Variants in DOCK6 observed in about 807,000 individuals in gnomAD.
DOCK6 encodes the protein dedicator of cytokinesis protein 6.
In DOCK6, 167 loss-of-function variants were observed where a neutral mutation model predicts 230.3. The ratio of observed to expected loss-of-function variants is 0.73; its 90% CI spans 0.64 to 0.82. DOCK6 has a LOEUF of 0.82. Ranked by LOEUF, DOCK6 falls within the 40% of genes least tolerant of loss-of-function variation. The pLI is 0.00. For missense variants in DOCK6, 2,598 were observed against 2,825.8 expected (o/e 0.92, Z 1.83); for synonymous variants, 1,148 against 1,185.0 (o/e 0.97, Z 0.64).
In DOCK6 at chr19:11,212,125, G is replaced by A. The variant is rs375036412; in HGVS notation, c.4518C>T (p.Val1506=). ...CCACCAGGGACGAGAGAGACATGGT[G>A]ACCTGCATCTTCACACGGGCAAAGT... ...GHNFARVKMQ[V]TMSLSSLVGT... Residue 1506 remains valine (V), a synonymous_variant, in exon 36 of 48, where the codon GTC becomes GTT. Transcript: ENST00000294618. The A allele has an allele frequency of 1.2e-5, 19 of 1,611,162 alleles. No homozygotes were observed. The African/African-American group carries it at 2.5e-4, about 21-fold the overall frequency.
chr19:11,212,238 C>G, intron 35 of DOCK6, 87 bp from the exon 36 acceptor site: 1 of 1,449,526 alleles, frequency 6.9e-7, no homozygotes, highest in Non-Finnish European at 9.2e-7. Flanking sequence ...CGACATGGCC[C>G]TTGCGTTCTT....
rs767778142 is a variant in DOCK6, at chr19:11,202,067, C to T, written c.5510G>A (p.Arg1837Gln). ...PYFDTYELKD[R>Q]VTYFDRNYGL... ...ATAGTTGCGGTCAAAGTAGGTCACC[C>T]GGTCCTTGAGCTCGTAGGTATCAAA... Residue 1837 changes from arginine (R) to glutamine (Q), a missense_variant, in exon 44 of 48, where the codon CGG becomes CAG. Transcript: ENST00000294618. The surrounding 1 kb of genome is among the most constrained non-coding windows in gnomAD (Gnocchi z 5.3). 1.5e-5 allele frequency: 24 copies of T among 1,613,910 alleles called. No homozygotes were observed. The highest frequency in any genetic ancestry group is 6.7e-5 in the Admixed American group (4 of 60,010).
At position 11,200,610 on chromosome 19, in the gene DOCK6, T is replaced by C. The variant is rs2079152997; in HGVS notation, c.5939+106A>G. 6.7e-7 allele frequency: 1 copy of C among 1,496,278 alleles called. No individual in the cohort carries two copies. 92.7% of individuals were successfully genotyped at this position (1,496,278 alleles called of 1,614,324 possible). A position where few individuals can be genotyped will look rare whatever the true frequency, so the allele number is the denominator to read the frequency against. On this transcript the variant is annotated intron_variant, in intron 46 of 47. Coordinates refer to ENST00000294618, the MANE Select transcript of DOCK6 (RefSeq NM_020812.4). The surrounding 1 kb of genome is among the most constrained non-coding windows in gnomAD (Gnocchi z 4.3). ...GGTCAGGTTGGGAGAGTGGACTTAA[T>C]GGGAATCGGGCAGATGGGGGAGCCA...
chr19:11,211,447 G>C (rs576987515), intron 37 of DOCK6, among the ~76,000 whole-genome samples: 11 of 147,700 alleles, frequency 7.4e-5, no homozygotes, highest in African/African-American at 2.5e-4. Flanking sequence ...ACATTCTCCT[G>C]GCATCCTCTT....
intron 22 of DOCK6, 148 bp from the exon 23 acceptor site, chr19:11,229,183 G>A: frequency 8.2e-7 from 1 of 1,220,500 alleles, no homozygotes; most frequent in Non-Finnish European, 1.1e-6. Flanking sequence ...AGGAGTGGAA[G>A]TGCCCTTTCC....
chr19:11,237,158 G>A (rs2079861714), intron 18 of DOCK6: 1 of 590,888 alleles, frequency 1.7e-6, no homozygotes, highest in African/African-American at 1.9e-5. Flanking sequence ...GAGGCCTAGG[G>A]TCATTAACAA....
intron 14 of DOCK6, chr19:11,239,728 C>G (rs1057171644): frequency 5.0e-6 from 8 of 1,613,406 alleles, no homozygotes; most frequent in Non-Finnish European, 6.8e-6. Flanking sequence ...AGAACTGGCA[C>G]AGCATGAGGA....
At chr19:11,240,261 C>T in intron 14 of DOCK6, 6 of 1,584,894 alleles carry the variant, frequency 3.8e-6, no homozygotes, top group Non-Finnish European at 5.1e-6. Flanking sequence ...GAGCGCCTGG[C>T]TGGGCCCTGC....
chr19:11,214,556 CACG>C lies in DOCK6; in HGVS notation c.4197_4199del (p.Ile1399_Val1400delinsMet), dbSNP rs2079447998. On this transcript the variant is annotated inframe_deletion, in exon 33 of 48. Transcript: ENST00000294618. ...CAGATGCTGGATCAAGCCCTACCTG[CACG>C]ATGATCTCCAGTGTGTCCAGAACCA... 1 of 1,613,816 alleles carries C rather than the reference CACG, an allele frequency of 6.2e-7. No individual in the cohort carries two copies. Among genetic ancestry groups the C allele is most frequent in the African/African-American group, 1.3e-5 (1 of 74,932 alleles).
chr19:11,237,767 G>T lies in DOCK6; in HGVS notation c.1845C>A (p.Phe615Leu). The change falls in exon 17 of 48, where the codon TTC becomes TTA. Residue 615 changes from phenylalanine (F) to leucine (L), a missense_variant. Physicochemically the swap from Phe to Leu is conservative, Grantham distance 22 (BLOSUM62 0). Coordinates refer to ENST00000294618, the MANE Select transcript of DOCK6 (RefSeq NM_020812.4). Reference protein sequence around the residue: ...PVVYHNKSPEFYEEFKLHLPA... With the variant: ...PVVYHNKSPELYEEFKLHLPA... ...GAAGATGCAGCTTGAACTCCTCGTA[G>T]AACTCGGGGGACCTGGCAGAATCGG... is the stretch of plus-strand genomic sequence containing the variant. 6.4e-7 allele frequency: 1 copy of T among 1,567,924 alleles called. No homozygotes were observed. Among genetic ancestry groups the T allele is most frequent in the South Asian group, 1.2e-5 (1 of 84,924 alleles).
At position 11,250,953 on chromosome 19, in the gene DOCK6, T is replaced by A; in HGVS notation, c.641A>T (p.Asp214Val). The change falls in exon 6 of 48, where the codon GAT (aspartate) becomes GTT (valine). Residue 214 changes from aspartate (D) to valine (V), a missense_variant. By Grantham distance (152) the Asp-to-Val change is radical. Coordinates refer to ENST00000294618, the MANE Select transcript of DOCK6 (RefSeq NM_020812.4). Reference sequence around the variant, plus strand: ...AAGGGTTTCATTGCGCCGGTCCACATCTTCTGGGGCCGCCCGCTCTAGCAG... The same window carrying A: ...AAGGGTTTCATTGCGCCGGTCCACAACTTCTGGGGCCGCCCGCTCTAGCAG... The part of the protein sequence containing the change: ...PSLLERAAPE[D>V]VDRRNETLRR... 1 of 1,613,676 alleles carries A rather than the reference T, an allele frequency of 6.2e-7. No homozygotes were observed. The highest frequency in any genetic ancestry group is 1.7e-4 in the Middle Eastern group (1 of 6,050).
chr19:11,200,148 C>CA lies in DOCK6; in HGVS notation c.6101+159dup, dbSNP rs746812913. 8.1e-3 allele frequency among the ~76,000 whole-genome samples: 612 copies of CA among 75,340 alleles called. 12 individuals carry two copies. The highest frequency in any genetic ancestry group is 0.013 in the South Asian group (28 of 2,236). 49.4% of individuals were successfully genotyped at this position (75,340 alleles called of 152,430 possible). Reference sequence around the variant, plus strand: ...CCTGGGCAACAGAGGGAGAGTCTCTCAAAAAAAAAAACAAAAAAAAAACCG... The same window carrying CA: ...CCTGGGCAACAGAGGGAGAGTCTCTCAAAAAAAAAAAACAAAAAAAAAACCG... On this transcript the variant is annotated intron_variant, in intron 47 of 47. Transcript: ENST00000294618. The surrounding 1 kb of genome is among the most constrained non-coding windows in gnomAD (Gnocchi z 4.3).
chr19:11,228,942 T>C lies in DOCK6; in HGVS notation c.2812A>G (p.Met938Val). ...AGGCAGGGAGGAGGGGGTCTCACCA[T>C]GAGCTGGAAGAAGAACCAGGCGTGC... ...LQHAWFFFQL[M>V]VKSMALHLLL... Residue 938 changes from methionine (M) to valine (V), a missense_variant and splice_region_variant, in exon 23 of 48, where the codon ATG becomes GTG. Met to Val is a conservative substitution (Grantham distance 21). Coordinates refer to ENST00000294618, the MANE Select transcript of DOCK6 (RefSeq NM_020812.4). 5.6e-6 allele frequency: 9 copies of C among 1,612,650 alleles called. No homozygotes were observed. Among genetic ancestry groups the C allele is most frequent in the Non-Finnish European group, 6.8e-6 (8 of 1,179,226 alleles).
intron 6 of DOCK6, among the ~76,000 whole-genome samples, chr19:11,248,419 T>C (rs1012041864): frequency 6.6e-6 from 1 of 151,890 alleles, no homozygotes; most frequent in African/African-American, 2.4e-5. Flanking sequence ...GAAGCTTATT[T>C]TTTTTTTTTG....
chr19:11,211,614 C>T (rs1018189704), intron 37 of DOCK6, among the ~76,000 whole-genome samples, 162 bp downstream of exon 37: 6 of 146,030 alleles, frequency 4.1e-5, no homozygotes, highest in African/African-American at 1.5e-4. Flanking sequence ...CCTCACCTGT[C>T]TGCTCAGCTG....
chr19:11,261,317 C>T (rs2080283707), intron 1 of DOCK6, among the ~76,000 whole-genome samples: 1 of 152,088 alleles, frequency 6.6e-6, no homozygotes, highest in African/African-American at 2.4e-5. Flanking sequence ...GCCTTCCTGA[C>T]CCACCTCCCG....
chr19:11,251,309 T>C (rs1300299219), intron 5 of DOCK6: 2 of 553,206 alleles, frequency 3.6e-6, no homozygotes, highest in Non-Finnish European at 3.2e-6. Flanking sequence ...GGCTACTCCT[T>C]ATCCCACATT....
In DOCK6 at chr19:11,202,684, A is replaced by C. The variant is rs1177305431; in HGVS notation, c.5261T>G (p.Val1754Gly). The C allele has an allele frequency of 6.2e-7, 1 of 1,613,886 alleles. No individual in the cohort carries two copies. Among genetic ancestry groups the C allele is most frequent in the East Asian group, 2.2e-5 (1 of 44,880 alleles). The stretch of plus-strand genomic sequence containing the variant: ...ACCGAAGTGGGCGCCGTAGAAGCCC[A>C]CGCGGAAATACGTCCCGAACACGCG... ...WERVFGTYFRVGFYGAHFGDL... is the reference protein window; with the variant it reads ...WERVFGTYFRGGFYGAHFGDL... Residue 1754 changes from valine (V) to glycine (G), a missense_variant, in exon 42 of 48, where the codon GTG becomes GGG. By Grantham distance (109) the Val-to-Gly change is moderately radical. Transcript: ENST00000294618. The surrounding 1 kb of genome is among the most constrained non-coding windows in gnomAD (Gnocchi z 5.3).
Position 11,250,930 on chromosome 19 carries a change from G to C in DOCK6, c.664C>G (p.Leu222Val), listed in dbSNP as rs1043493630. 1.4e-5 allele frequency: 23 copies of C among 1,610,674 alleles called. No individual in the cohort carries two copies. The highest frequency in any genetic ancestry group is 2.0e-5 in the Non-Finnish European group (23 of 1,177,228). The change falls in exon 6 of 48, where the codon CTT becomes GTT. Residue 222 changes from leucine (L) to valine (V), a missense_variant. Transcript: ENST00000294618. ...GCCGGGGGCCGGTGCTGCCGTCGAA[G>C]GGTTTCATTGCGCCGGTCCACATCT... ...PEDVDRRNET[L>V]RRQHRPPALL... is the part of the protein sequence containing the mutation.
Sources: gnomAD v4.1 joint callset for allele counts (sites outside exome capture counted in the v4.1 genomes callset) on GRCh38, gnomAD v4.1.1 for gene constraint, Gnocchi (gnomAD v3.1) non-coding constraint, MANE v1.5 for transcripts, NCBI Gene and HGNC (gene_info 2026-07-23, HGNC 2026-07-21) for gene names.